CCSER1: variants seen among roughly 807,000 people sequenced by gnomAD.
CCSER1 encodes coiled-coil serine rich protein 1, also known as serine-rich coiled-coil domain-containing protein 1.
Under a neutral mutation model 82.0 loss-of-function variants are expected in CCSER1, and 41 were observed. The observed-to-expected ratio is 0.50, with a 90% CI of 0.39 to 0.65. The LOEUF (loss-of-function observed/expected upper bound fraction) is 0.65. Ranked by LOEUF, CCSER1 falls within the 30% of genes least tolerant of loss-of-function variation. The probability of loss-of-function intolerance (pLI) is 0.00; values close to 1 mark genes in which losing one functional copy is unlikely to be tolerated. For synonymous variants in CCSER1, 414 were observed against 383.9 expected (o/e 1.08, Z -0.92); for missense variants, 1,119 against 1,064.2 (o/e 1.05, Z -0.72).
At chr4:90,548,375 T>G (rs1314036373) in intron 5 of CCSER1, among the ~76,000 whole-genome samples, 2 of 152,100 alleles carry the variant, frequency 1.3e-5, no homozygotes, top group Admixed American at 1.3e-4. Context: ...TAGGGCCTAC[T>G]TGTCTGTTGC....
At chr4:90,305,669 A>G (rs904394568) in intron 1 of CCSER1, among the ~76,000 whole-genome samples, 1 of 152,198 alleles carries the variant, frequency 6.6e-6, no homozygotes, top group Non-Finnish European at 1.5e-5. Context: ...AGTGTTTCAC[A>G]TATAGTTTGA....
chr4:91,431,627 C>CA (rs1754326517), intron 10 of CCSER1, among the ~76,000 whole-genome samples: 1 of 151,952 alleles, frequency 6.6e-6, no homozygotes, highest in African/African-American at 2.4e-5. Context: ...ACCACCACGC[C>CA]AGGCTAATTT....
rs1561000721 is a variant in CCSER1 at position 90,309,426 on chromosome 4, A to G, written c.1142A>G (p.Asn381Ser). Reference protein sequence around the residue: ...SEREENIGLQNGETMLGTNSP... With the variant: ...SEREENIGLQSGETMLGTNSP... ...AGAGAAGAAAATATAGGGTTACAAAATGGTGAAACAATGCTGGGGACAAAC... is the reference window on the plus strand; with the variant it reads ...AGAGAAGAAAATATAGGGTTACAAAGTGGTGAAACAATGCTGGGGACAAAC... Residue 381 changes from asparagine (N) to serine (S), a missense_variant, in exon 2 of 11, where the codon AAT becomes AGT. Coordinates refer to ENST00000509176, the MANE Select transcript of CCSER1 (RefSeq NM_001145065.2). 4 of 1,613,878 alleles carry G rather than the reference A, an allele frequency of 2.5e-6. No homozygotes were observed. Among genetic ancestry groups the G allele is most frequent in the Non-Finnish European group, 3.4e-6 (4 of 1,179,808 alleles).
intron 10 of CCSER1, among the ~76,000 whole-genome samples, chr4:91,139,153 G>A (rs552780059): frequency 1.5e-4 from 23 of 152,180 alleles, no homozygotes; most frequent in Non-Finnish European, 3.1e-4. Context: ...CTGCTCTTGG[G>A]TTAATTCATT....
At chr4:90,966,833 C>T (rs1404216270) in intron 9 of CCSER1, among the ~76,000 whole-genome samples, 1 of 151,898 alleles carries the variant, frequency 6.6e-6, no homozygotes, top group East Asian at 1.9e-4. Context: ...TCCAGATTGA[C>T]CTACAGATTC....
chr4:90,339,271 T>C (rs538729151), intron 3 of CCSER1, among the ~76,000 whole-genome samples: 14 of 152,226 alleles, frequency 9.2e-5, no homozygotes, highest in African/African-American at 3.4e-4. Flanking sequence ...GTTCTCACCA[T>C]CTCTGTCATT....
chr4:91,573,143 G>T (rs1043893683), intron 10 of CCSER1, among the ~76,000 whole-genome samples: 2 of 152,162 alleles, frequency 1.3e-5, no homozygotes, highest in African/African-American at 4.8e-5. Context: ...GTGCTGGGGG[G>T]AACCCCTCCA....
intron 7 of CCSER1, among the ~76,000 whole-genome samples, chr4:90,755,244 T>C (rs4692954): frequency 0.14 from 21,198 of 152,144 alleles, 1,944 homozygotes; most frequent in Middle Eastern, 0.24. Context: ...GGGGTGCATA[T>C]TGATAAACAA....
intron 10 of CCSER1, among the ~76,000 whole-genome samples, chr4:91,220,861 A>C (rs1486651235): frequency 6.6e-6 from 1 of 152,182 alleles, no homozygotes; most frequent in African/African-American, 2.4e-5. Context: ...CTATATATAC[A>C]TATATATCAA....
rs560285206 is a variant in CCSER1 at position 90,558,293 on chromosome 4, A to C, written c.1725-69732A>C. On this transcript the variant is annotated intron_variant, in intron 5 of 10. Coordinates refer to ENST00000509176, the MANE Select transcript of CCSER1 (RefSeq NM_001145065.2). ...TAAAAACAATTATTCTTGAAACTTG[A>C]ATTTCAGTGAACACATTATAAACTA... is the stretch of plus-strand genomic sequence containing the variant. 2.0e-5 allele frequency among the ~76,000 whole-genome samples: 3 copies of C among 152,322 alleles called. No homozygotes were observed. In the East Asian group the frequency reaches 5.8e-4, roughly 29 times the overall value.
At chr4:91,044,663 C>T (rs1219854552) in intron 9 of CCSER1, among the ~76,000 whole-genome samples, 1 of 152,108 alleles carries the variant, frequency 6.6e-6, no homozygotes, top group African/African-American at 2.4e-5. Context: ...ACAAGTTTTT[C>T]TATTTGCCTG....
At chr4:90,935,001 A>G (rs1027129238) in intron 9 of CCSER1, among the ~76,000 whole-genome samples, 1 of 151,860 alleles carries the variant, frequency 6.6e-6, no homozygotes, top group African/African-American at 2.4e-5. Flanking sequence ...CTAAACAGAC[A>G]TAACGACATA....
intron 5 of CCSER1, among the ~76,000 whole-genome samples, chr4:90,504,807 C>T (rs979517695): frequency 1.3e-3 from 193 of 152,254 alleles, no homozygotes; most frequent in African/African-American, 4.5e-3. Context: ...AGGGTGGACT[C>T]TAACTCACAA....
At chr4:91,287,724 G>A (rs1221460822) in intron 10 of CCSER1, among the ~76,000 whole-genome samples, 1 of 151,914 alleles carries the variant, frequency 6.6e-6, no homozygotes, top group Non-Finnish European at 1.5e-5. Flanking sequence ...GTAGGCTTCA[G>A]TCAGAGAGTG....
chr4:90,524,716 C>T (rs1162092691), intron 5 of CCSER1, among the ~76,000 whole-genome samples: 1 of 152,154 alleles, frequency 6.6e-6, no homozygotes, highest in African/African-American at 2.4e-5. Context: ...ATCCGTCTGC[C>T]TCGGCCTCCC....
chr4:90,937,363 T>C (rs145908178), intron 9 of CCSER1, among the ~76,000 whole-genome samples: 1,684 of 152,212 alleles, frequency 0.011, 41 homozygotes, highest in African/African-American at 0.038. Context: ...TTTCCTCATA[T>C]TGCTTTTGGT....
chr4:90,604,285 T>C (rs1043195172), intron 5 of CCSER1, among the ~76,000 whole-genome samples: 2 of 152,192 alleles, frequency 1.3e-5, no homozygotes, highest in Non-Finnish European at 2.9e-5. Context: ...AGCCTCCTAT[T>C]ATTCTTTTAT....
intron 10 of CCSER1, among the ~76,000 whole-genome samples, chr4:91,425,420 C>A (rs1414075845): frequency 6.6e-6 from 1 of 152,190 alleles, no homozygotes; most frequent in Non-Finnish European, 1.5e-5. Context: ...TTATGAATTA[C>A]ATGGGAATTG....
intron 1 of CCSER1, among the ~76,000 whole-genome samples, chr4:90,268,948 A>G (rs1406332410): frequency 6.6e-6 from 1 of 152,190 alleles, no homozygotes; most frequent in Non-Finnish European, 1.5e-5. Context: ...AAAAAGAGGC[A>G]AAGAGGGACA....
Sources: allele counts gnomAD v4.1 joint callset (sites outside exome capture counted in the v4.1 genomes callset), GRCh38; gene constraint gnomAD v4.1.1; transcripts MANE v1.5; gene names NCBI Gene and HGNC (gene_info 2026-07-23, HGNC 2026-07-21).